The following TNFRSF14 variants were observed in gnomAD, a reference collection of about 807,000 sequenced individuals.
TNFRSF14 encodes the protein TNF receptor superfamily member 14, also known as tumor necrosis factor receptor superfamily member 14.
TNFRSF14 carries 18 observed loss-of-function variants against 34.1 expected under a neutral mutation model. The observed-to-expected ratio is 0.53, with a 90% CI of 0.36 to 0.78. The LOEUF (loss-of-function observed/expected upper bound fraction) is 0.78. Among genes scored for constraint, TNFRSF14 ranks in the 30% least tolerant of loss-of-function variants. The pLI is 0.00. For synonymous variants in TNFRSF14, 157 were observed against 153.2 expected (o/e 1.02, Z -0.18); for missense variants, 352 against 379.5 (o/e 0.93, Z 0.60).
At chr1:2,558,531 C>A in intron 3 of TNFRSF14, 63 bp downstream of exon 3, 1 of 1,597,044 alleles carries the variant, frequency 6.3e-7, no homozygotes, top group Non-Finnish European at 8.5e-7. Flanking sequence ...CCGCACCCTG[C>A]ACCCTCTCTC....
intron 6 of TNFRSF14, chr1:2,562,333 C>A (rs548872697): frequency 3.3e-5 from 7 of 213,268 alleles, no homozygotes; most frequent in Admixed American, 3.1e-4. Flanking sequence ...GCCCTGGGAG[C>A]CCTGTGCACA....
At chr1:2,559,503 C>T (rs2281852) in intron 3 of TNFRSF14, 10 of 1,472,742 alleles carry the variant, frequency 6.8e-6, no homozygotes, top group South Asian at 3.6e-5. Flanking sequence ...GACCTGCCTG[C>T]GGGACCCTGC....
upstream of TNFRSF14, chr1:2,556,184 C>T (rs556865641): frequency 2.4e-6 from 1 of 415,326 alleles, no homozygotes; most frequent in East Asian, 4.6e-5. Context: ...ACAGGAAACC[C>T]ACAGGGCCCC....
intron 4 of TNFRSF14, among the ~76,000 whole-genome samples, chr1:2,560,394 A>AGGGACTCCC (rs1644290370): frequency 6.6e-6 from 1 of 152,056 alleles, no homozygotes; most frequent in Admixed American, 6.5e-5. Flanking sequence ...GTGGACACAG[A>AGGGACTCCC]GGGACTCCCG....
At chr1:2,558,625 G>T in intron 3 of TNFRSF14, 157 bp downstream of exon 3, 1 of 1,405,304 alleles carries the variant, frequency 7.1e-7, no homozygotes. Context: ...TGCAGGGGAC[G>T]CCTTGAGGTC....
Position 2,558,355 on chromosome 1 carries a change from A to T in TNFRSF14, c.191A>T (p.Lys64Met). The change falls in exon 3 of 8, where the codon AAG becomes ATG. Residue 64 changes from lysine (K) to methionine (M), a missense_variant. Physicochemically the swap from Lys to Met is moderately conservative, Grantham distance 95 (BLOSUM62 -1). Transcript: ENST00000355716. Reference sequence around the variant, plus strand: ...CTCTGGGCGGCAGGTTATCGTGTGAAGGAGGCCTGCGGGGAGCTGACGGGC... The same window carrying T: ...CTCTGGGCGGCAGGTTATCGTGTGATGGAGGCCTGCGGGGAGCTGACGGGC... ...CPKCSPGYRV[K>M]EACGELTGTV... 1 of 1,606,286 alleles carries T rather than the reference A, an allele frequency of 6.2e-7. No individual in the cohort carries two copies. Among genetic ancestry groups the T allele is most frequent in the African/African-American group, 1.3e-5 (1 of 74,554 alleles).
rs977267085 is a variant in TNFRSF14 at position 2,562,010 on chromosome 1, A to C, written c.694+195A>C. 4 of 648,254 alleles carry C rather than the reference A, an allele frequency of 6.2e-6. No individual in the cohort carries two copies. In the African/African-American group the frequency reaches 7.3e-5, roughly 12 times the overall value. The allele number at this position is 648,254 out of a possible 1,614,324, so 40.2% of individuals were successfully genotyped here. ...AGGTGTCAGCTGGCCTCCCTGGGGG[A>C]AGGGAAGGTGGGACCCCTGACCGTG... On this transcript the variant is annotated intron_variant, in intron 6 of 7. Transcript: ENST00000355716.
At chr1:2,560,953 G>A (rs1308645554) in intron 5 of TNFRSF14, 7 of 517,098 alleles carry the variant, frequency 1.4e-5, no homozygotes, top group Admixed American at 1.1e-4. Flanking sequence ...GGCTCAGGAT[G>A]GGCCTTCCCA....
At position 2,561,713 on chromosome 1, in the gene TNFRSF14, A is replaced by G; in HGVS notation, c.592A>G (p.Ser198Gly). The G allele has an allele frequency of 6.2e-7, 1 of 1,613,426 alleles. No homozygotes were observed. The highest frequency in any genetic ancestry group is 8.5e-7 in the Non-Finnish European group (1 of 1,179,982). ...GACGAAGGCCGGAGCTGGGACCAGC[A>G]GCTCCCACTGGGTATGGTGGTTTCT... ...LVTKAGAGTS[S>G]SHWVWWFLSG... Residue 198 changes from serine (S) to glycine (G), a missense_variant, in exon 6 of 8, where the codon AGC becomes GGC. Ser to Gly is a moderately conservative substitution (Grantham distance 56). Transcript: ENST00000355716. This position sits in a 1 kb window ranked among gnomAD's most constrained non-coding sequence, Gnocchi z 6.0.
At chr1:2,560,055 C>T in intron 4 of TNFRSF14, 77 bp downstream of exon 4, 1 of 1,455,626 alleles carries the variant, frequency 6.9e-7, no homozygotes, top group South Asian at 1.4e-5. Flanking sequence ...CCCCAGGTTT[C>T]CTCGACGGCA....
At position 2,563,713 on chromosome 1, in the gene TNFRSF14, C is replaced by T. The variant is rs1644345981; in HGVS notation, c.*440C>T. 4.1e-6 allele frequency: 1 copy of T among 244,760 alleles called. No individual in the cohort carries two copies. The highest frequency in any genetic ancestry group is 7.9e-6 in the Non-Finnish European group (1 of 126,186). 15.2% of individuals were successfully genotyped at this position (244,760 alleles called of 1,614,324 possible). ...GCAGTGTGGTGTTTAGTGGATACCACATCGGAAGTGATTTTCTAAATTGGA... is the reference window on the plus strand; with the variant it reads ...GCAGTGTGGTGTTTAGTGGATACCATATCGGAAGTGATTTTCTAAATTGGA... On this transcript the variant is annotated 3_prime_UTR_variant, in exon 8 of 8. Transcript: ENST00000355716.
Position 2,558,570 on chromosome 1 carries a change from G to A in TNFRSF14, c.304+102G>A, listed in dbSNP as rs565851285. 8.0e-5 allele frequency: 125 copies of A among 1,570,074 alleles called. 1 individual carries two copies. In the South Asian group the frequency reaches 1.3e-3, roughly 17 times the overall value. ...GGCCACAGTGCCCCAGGAAGGCCCC[G>A]GCTGCCCCAGGCCAGGTCCCAACCC... On this transcript the variant is annotated intron_variant, in intron 3 of 7. Coordinates refer to ENST00000355716, the MANE Select transcript of TNFRSF14 (RefSeq NM_003820.4).
chr1:2,559,122 G>C, intron 3 of TNFRSF14: 1 of 1,363,582 alleles, frequency 7.3e-7, no homozygotes, highest in East Asian at 3.4e-5. Context: ...GCACACCTGG[G>C]GGCAGGGCCT....
chr1:2,559,740 C>A (rs1157266117), intron 3 of TNFRSF14, 83 bp from the exon 4 acceptor site: 3 of 1,541,534 alleles, frequency 1.9e-6, no homozygotes, highest in Non-Finnish European at 2.6e-6. Flanking sequence ...GGCAGCAGTC[C>A]TTGGCCTGTG....
chr1:2,555,569 G>A, upstream of TNFRSF14: 1 of 153,330 alleles, frequency 6.5e-6, no homozygotes, highest in Non-Finnish European at 1.5e-5. The surrounding 1 kb of genome is among the most constrained non-coding windows in gnomAD (Gnocchi z 6.3). Flanking sequence ...TCCTGGGCCA[G>A]GCGTCTGGCA....
At chr1:2,558,180 G>A (rs1057008281) in intron 2 of TNFRSF14, among the ~76,000 whole-genome samples, 163 bp from the exon 3 acceptor site, 1 of 152,194 alleles carries the variant, frequency 6.6e-6, no homozygotes, top group Non-Finnish European at 1.5e-5. Flanking sequence ...GAGCAGCTCT[G>A]CTCATGGCTG....
intron 7 of TNFRSF14, 121 bp from the exon 8 acceptor site, chr1:2,563,027 A>G (rs971630050): frequency 7.0e-6 from 11 of 1,566,570 alleles, no homozygotes; most frequent in Non-Finnish European, 9.6e-6. Context: ...TTTCAAGTAC[A>G]GCCACGGTAG....
At position 2,563,628 on chromosome 1, in the gene TNFRSF14, T is replaced by C. The variant is rs1417761559; in HGVS notation, c.*355T>C. On this transcript the variant is annotated 3_prime_UTR_variant, in exon 8 of 8. Transcript: ENST00000355716. ...CAGCTGTCTGCGCGTCTGACTCTTG[T>C]GGCCTCAGCAGGACAGGCCCCGGGC... is the stretch of plus-strand genomic sequence containing the variant. 3.3e-6 allele frequency: 1 copy of C among 303,630 alleles called. No homozygotes were observed. Among genetic ancestry groups the C allele is most frequent in the Non-Finnish European group, 6.2e-6 (1 of 161,976 alleles). The allele number at this position is 303,630 out of a possible 1,614,324, so 18.8% of individuals were successfully genotyped here.
At chr1:2,554,290 G>C (rs928617462), upstream of TNFRSF14, 2 of 152,934 alleles carry the variant, frequency 1.3e-5, 1 homozygote, top group South Asian at 4.1e-4. The surrounding 1 kb of genome is among the most constrained non-coding windows in gnomAD (Gnocchi z 4.2). Flanking sequence ...TGCCGGGAGA[G>C]CCCACGCTGA....
Sources: gnomAD v4.1 joint callset for allele counts (sites outside exome capture counted in the v4.1 genomes callset) on GRCh38, gnomAD v4.1.1 for gene constraint, Gnocchi (gnomAD v3.1) non-coding constraint, MANE v1.5 for transcripts, NCBI Gene and HGNC (gene_info 2026-07-23, HGNC 2026-07-21) for gene names.